Variants in AKAP7 observed in about 807,000 individuals in gnomAD.
AKAP7 encodes A-kinase anchoring protein 7, also known as A kinase (PRKA) anchor protein 7.
Under a neutral mutation model 39.5 loss-of-function variants are expected in AKAP7, and 39 were observed. The observed-to-expected ratio is 0.99, with a 90% confidence interval of 0.76 to 1.29. The LOEUF (loss-of-function observed/expected upper bound fraction) is 1.29. AKAP7 is among the 50% of genes most tolerant of loss of function. The probability of loss-of-function intolerance (pLI) is 0.00; values close to 1 mark genes in which losing one functional copy is unlikely to be tolerated. For synonymous variants in AKAP7, 140 were observed against 139.1 expected (o/e 1.01, Z -0.05); for missense variants, 414 against 407.7 (o/e 1.02, Z -0.13).
chr6:131,199,612 C>A (rs764537929), intron 6 of AKAP7, 39 bp downstream of exon 6: 2 of 1,427,568 alleles, frequency 1.4e-6, no homozygotes, highest in Non-Finnish European at 9.9e-7. Flanking sequence ...TTTTACCAGG[C>A]CACACCAGCC....
At chr6:131,240,780 A>G (rs1811480331) in intron 7 of AKAP7, among the ~76,000 whole-genome samples, 1 of 152,122 alleles carries the variant, frequency 6.6e-6, no homozygotes, top group South Asian at 2.1e-4. Context: ...GGTGGGAGTG[A>G]CCCAATTTTC....
At chr6:131,182,524 T>A (rs529337563) in intron 5 of AKAP7, among the ~76,000 whole-genome samples, 16 of 152,362 alleles carry the variant, frequency 1.1e-4, no homozygotes, top group African/African-American at 3.6e-4. Flanking sequence ...TATATGTACA[T>A]ACCACATTTT....
intron 7 of AKAP7, among the ~76,000 whole-genome samples, chr6:131,231,226 C>A (rs924396175): frequency 6.6e-6 from 1 of 151,956 alleles, no homozygotes; most frequent in Non-Finnish European, 1.5e-5. Flanking sequence ...AAAAATGTAA[C>A]AAGTATAAAA....
At chr6:131,195,277 C>A (rs981012878) in intron 5 of AKAP7, among the ~76,000 whole-genome samples, 2 of 152,116 alleles carry the variant, frequency 1.3e-5, no homozygotes, top group South Asian at 4.1e-4. Context: ...GACAACTTAA[C>A]CCTGATTGAA....
chr6:131,157,016 C>T (rs1802481534), intron 2 of AKAP7, among the ~76,000 whole-genome samples: 2 of 152,034 alleles, frequency 1.3e-5, no homozygotes, highest in Admixed American at 1.3e-4. Flanking sequence ...ACCTCGTGAT[C>T]CGCCCGCCTC....
In AKAP7 at chr6:131,210,286, G is replaced by T. The variant is rs1422829881; in HGVS notation, c.703-9375G>T. Among the ~76,000 whole-genome samples, 3 of 152,202 alleles carry T rather than the reference G, an allele frequency of 2.0e-5. No homozygotes were observed. The East Asian group carries it at 5.8e-4, about 29-fold the overall frequency. On this transcript the variant is annotated intron_variant, in intron 6 of 7. Transcript: ENST00000431975. Reference sequence around the variant, plus strand: ...TTCTTCAAAATACTAAACCAGTTCAGTTCTCTTTCAATTGGTTACTCTAGT... The same window carrying T: ...TTCTTCAAAATACTAAACCAGTTCATTTCTCTTTCAATTGGTTACTCTAGT...
chr6:131,207,219 A>G (rs1029978071), intron 6 of AKAP7, among the ~76,000 whole-genome samples: 9 of 152,000 alleles, frequency 5.9e-5, no homozygotes, highest in African/African-American at 2.2e-4. Flanking sequence ...GTCTTCAAGT[A>G]CTGATAGGAA....
chr6:131,149,489 GC>G (rs1801741397), intron 2 of AKAP7, among the ~76,000 whole-genome samples: 1 of 152,168 alleles, frequency 6.6e-6, no homozygotes, highest in African/African-American at 2.4e-5. Flanking sequence ...ACAAAAATTA[GC>G]GGGGCATGGT....
intron 7 of AKAP7, among the ~76,000 whole-genome samples, chr6:131,222,411 C>T (rs962281858): frequency 3.3e-5 from 5 of 152,040 alleles, no homozygotes; most frequent in Admixed American, 6.6e-5. Flanking sequence ...CCTGTAGTCC[C>T]AGCTACTCGG....
chr6:131,187,423 T>G (rs1805972437), intron 5 of AKAP7, among the ~76,000 whole-genome samples: 1 of 152,142 alleles, frequency 6.6e-6, no homozygotes, highest in African/African-American at 2.4e-5. Flanking sequence ...GTTGATGCAA[T>G]TGTTTTCTTA....
intron 5 of AKAP7, among the ~76,000 whole-genome samples, chr6:131,173,233 C>A (rs910088400): frequency 5.3e-5 from 8 of 149,930 alleles, no homozygotes; most frequent in African/African-American, 1.5e-4. Context: ...AGAAAAAATT[C>A]TTTTTAATTT....
intron 7 of AKAP7, among the ~76,000 whole-genome samples, chr6:131,237,945 T>C (rs1811212199): frequency 6.6e-6 from 1 of 152,204 alleles, no homozygotes; most frequent in African/African-American, 2.4e-5. Context: ...TGCCTTCTGC[T>C]AGCTTTTGAA....
chr6:131,185,336 T>A, intron 5 of AKAP7: 1 of 518,350 alleles, frequency 1.9e-6, no homozygotes, highest in South Asian at 1.7e-5. Context: ...GTAATAATTG[T>A]TCTGGGCTAC....
At chr6:131,227,252 A>G (rs1266631827) in intron 7 of AKAP7, among the ~76,000 whole-genome samples, 1 of 152,184 alleles carries the variant, frequency 6.6e-6, no homozygotes, top group East Asian at 1.9e-4. Context: ...CCAACCTGAT[A>G]CAATGAAAGA....
chr6:131,263,077 A>T (rs958230062), intron 7 of AKAP7, among the ~76,000 whole-genome samples: 12 of 152,234 alleles, frequency 7.9e-5, no homozygotes, highest in African/African-American at 2.9e-4. Flanking sequence ...GAAACAGAAA[A>T]GGGCAGTAGA....
intron 3 of AKAP7, 58 bp downstream of exon 3, chr6:131,160,256 A>C (rs1023371690): frequency 9.1e-7 from 1 of 1,097,062 alleles, no homozygotes; most frequent in Non-Finnish European, 1.2e-6. Context: ...TTAAAGTACA[A>C]CTAAATGCTT....
At chr6:131,125,805 G>A in the AKAP7 span, among the ~76,000 whole-genome samples, 1 of 152,280 alleles carries the variant, frequency 6.6e-6, no homozygotes, top group South Asian at 2.1e-4. Context: ...CAGGTAGTGT[G>A]GCCCATTCAT....
At chr6:131,149,099 T>C (rs1026356328) in intron 2 of AKAP7, among the ~76,000 whole-genome samples, 1 of 152,210 alleles carries the variant, frequency 6.6e-6, no homozygotes, top group African/African-American at 2.4e-5. Flanking sequence ...TGTCTCTCGA[T>C]TGTCAGCTGC....
intron 2 of AKAP7, among the ~76,000 whole-genome samples, chr6:131,153,141 AAAAG>A (rs1310476118): frequency 2.6e-5 from 4 of 151,908 alleles, no homozygotes; most frequent in East Asian, 1.9e-4. Flanking sequence ...AAAAAAAAAA[AAAAG>A]AGAGAGAGAG....
Sources: gnomAD v4.1 joint callset for allele counts (sites outside exome capture counted in the v4.1 genomes callset) on GRCh38, gnomAD v4.1.1 for gene constraint, MANE v1.5 for transcripts, NCBI Gene and HGNC (gene_info 2026-07-23, HGNC 2026-07-21) for gene names.